The following TAFA1 variants were observed in gnomAD, a reference collection of about 807,000 sequenced individuals.
TAFA1 encodes the protein TAFA chemokine like family member 1, also known as chemokine-like protein TAFA-1.
TAFA1 carries 4 observed loss-of-function variants against 18.5 expected under a neutral mutation model. That is an observed-to-expected ratio of 0.22 (90% CI 0.11 to 0.49). The LOEUF is 0.49. Ranked by LOEUF, TAFA1 falls within the 20% of genes least tolerant of loss-of-function variation. The pLI, the probability that TAFA1 is intolerant of heterozygous loss-of-function variation, is 0.98. For missense variants in TAFA1, 147 were observed against 169.0 expected (o/e 0.87, Z 0.72); for synonymous variants, 56 against 55.2 (o/e 1.01, Z -0.06).
intron 2 of TAFA1, among the ~76,000 whole-genome samples, chr3:68,060,186 G>C (rs1345736457): frequency 7.3e-6 from 1 of 137,666 alleles, no homozygotes; most frequent in African/African-American, 2.6e-5. Flanking sequence ...CATTGCAACT[G>C]TGTGTGTGTG....
At chr3:68,358,944 G>A (rs2106789588) in intron 2 of TAFA1, among the ~76,000 whole-genome samples, 1 of 152,046 alleles carries the variant, frequency 6.6e-6, no homozygotes, top group Non-Finnish European at 1.5e-5. Context: ...ACTTGATTTA[G>A]AATTAATCAG....
At chr3:68,209,730 T>C (rs1271326453) in intron 2 of TAFA1, among the ~76,000 whole-genome samples, 1 of 152,092 alleles carries the variant, frequency 6.6e-6, no homozygotes, top group Admixed American at 6.6e-5. Context: ...ACTAAAACTT[T>C]TTTTCATTAT....
At chr3:68,140,118 A>G (rs1187702698) in intron 2 of TAFA1, among the ~76,000 whole-genome samples, 1 of 152,180 alleles carries the variant, frequency 6.6e-6, no homozygotes, top group Admixed American at 6.5e-5. Context: ...GGGTTAATTG[A>G]GGTGGCCTCA....
intron 3 of TAFA1, among the ~76,000 whole-genome samples, chr3:68,443,409 A>C (rs1453384022): frequency 6.8e-6 from 1 of 148,000 alleles, no homozygotes; most frequent in Non-Finnish European, 1.5e-5. Flanking sequence ...TAGTTTCTCC[A>C]TCAGGTCTGT....
At chr3:68,223,190 A>T (rs2066753797) in intron 2 of TAFA1, among the ~76,000 whole-genome samples, 1 of 152,172 alleles carries the variant, frequency 6.6e-6, no homozygotes, top group Non-Finnish European at 1.5e-5. Context: ...GGCCTATTAA[A>T]TGATTATTTA....
At chr3:68,281,907 G>A (rs928166342) in intron 2 of TAFA1, among the ~76,000 whole-genome samples, 45 of 152,050 alleles carry the variant, frequency 3.0e-4, no homozygotes, top group Non-Finnish European at 7.4e-5. Context: ...CCATTCTCAC[G>A]CTGCTAATAA....
chr3:68,344,092 C>T (rs2069128236), intron 2 of TAFA1, among the ~76,000 whole-genome samples: 1 of 152,210 alleles, frequency 6.6e-6, no homozygotes, highest in Non-Finnish European at 1.5e-5. Flanking sequence ...ATCTGCCTGC[C>T]TGGGCCTCCC....
chr3:68,372,719 C>G (rs1559638871), intron 2 of TAFA1, among the ~76,000 whole-genome samples: 1 of 151,654 alleles, frequency 6.6e-6, no homozygotes, highest in East Asian at 1.9e-4. Flanking sequence ...AACCCACATG[C>G]AAGAAAGTTT....
intron 2 of TAFA1, among the ~76,000 whole-genome samples, chr3:68,415,884 G>A (rs1320162947): frequency 6.6e-6 from 1 of 152,152 alleles, no homozygotes; most frequent in Non-Finnish European, 1.5e-5. Flanking sequence ...CCTATGGAGA[G>A]AAACATAATT....
chr3:68,291,446 G>A (rs2068106687), intron 2 of TAFA1, among the ~76,000 whole-genome samples: 11 of 152,014 alleles, frequency 7.2e-5, no homozygotes, highest in Admixed American at 7.2e-4. Flanking sequence ...TAGTATTGCA[G>A]ATCCCATTTA....
chr3:68,269,717 T>G (rs1180152077), intron 2 of TAFA1, among the ~76,000 whole-genome samples: 1 of 152,134 alleles, frequency 6.6e-6, no homozygotes, highest in African/African-American at 2.4e-5. Flanking sequence ...AGGCCAGGAG[T>G]TTGAGACCAG....
chr3:68,376,788 C>T (rs542781157), intron 2 of TAFA1, among the ~76,000 whole-genome samples: 1 of 152,250 alleles, frequency 6.6e-6, no homozygotes, highest in East Asian at 1.9e-4. Flanking sequence ...TGGTTTGGCT[C>T]TGTGTCCCCA....
intron 4 of TAFA1, among the ~76,000 whole-genome samples, chr3:68,541,440 T>C (rs531367562): frequency 6.6e-6 from 1 of 152,348 alleles, no homozygotes; most frequent in East Asian, 1.9e-4. Flanking sequence ...CTACATCTTA[T>C]GTATTCTTCT....
chr3:68,420,845 A>T (rs1252659568), intron 3 of TAFA1, among the ~76,000 whole-genome samples: 1 of 152,176 alleles, frequency 6.6e-6, no homozygotes, highest in African/African-American at 2.4e-5. Flanking sequence ...CAGTCAACAC[A>T]GTGAGCACCT....
intron 3 of TAFA1, among the ~76,000 whole-genome samples, chr3:68,479,506 G>A (rs898024052): frequency 3.3e-5 from 5 of 151,838 alleles, no homozygotes; most frequent in African/African-American, 1.2e-4. Flanking sequence ...TTACATTATA[G>A]GCATCTACCA....
chr3:68,037,327 G>A (rs1705073676), intron 2 of TAFA1, among the ~76,000 whole-genome samples: 1 of 152,134 alleles, frequency 6.6e-6, no homozygotes, highest in Admixed American at 6.6e-5. Flanking sequence ...AGGACCAGAT[G>A]TGCAGGGCCT....
At chr3:68,397,987 A>C (rs1257535701) in intron 2 of TAFA1, among the ~76,000 whole-genome samples, 1 of 152,326 alleles carries the variant, frequency 6.6e-6, no homozygotes, top group African/African-American at 2.4e-5. Context: ...GAAAATGGCC[A>C]TACTTTCCAA....
intron 2 of TAFA1, among the ~76,000 whole-genome samples, chr3:68,197,279 T>C (rs1388493): frequency 0.66 from 100,478 of 151,592 alleles, 34,043 homozygotes; most frequent in South Asian, 0.78. Flanking sequence ...TGTGCTAAAA[T>C]ATATATTCCC....
chr3:68,287,550 C>T (rs1050206569), intron 2 of TAFA1, among the ~76,000 whole-genome samples: 1 of 152,180 alleles, frequency 6.6e-6, no homozygotes, highest in Non-Finnish European at 1.5e-5. Flanking sequence ...CAGAAGCGTG[C>T]ATCTGGCACC....
Sources: allele counts gnomAD v4.1 joint callset (sites outside exome capture counted in the v4.1 genomes callset), GRCh38; gene constraint gnomAD v4.1.1; transcripts MANE v1.5; gene names NCBI Gene and HGNC (gene_info 2026-07-23, HGNC 2026-07-21).